BMP3: variants seen among roughly 807,000 people sequenced by gnomAD.
BMP3 encodes the protein bone morphogenetic protein 3.
BMP3 carries 23 observed loss-of-function variants against 38.1 expected under a neutral mutation model. The ratio of observed to expected loss-of-function variants is 0.60; its 90% CI spans 0.43 to 0.86. The LOEUF (loss-of-function observed/expected upper bound fraction) is 0.86, where lower values mean the gene tolerates loss of function less well. Ranked by LOEUF, BMP3 falls within the 40% of genes least tolerant of loss-of-function variation. The pLI is 0.00. For missense variants in BMP3, 628 were observed against 579.6 expected (o/e 1.08, Z -0.86); for synonymous variants, 258 against 225.7 (o/e 1.14, Z -1.28).
In BMP3 at chr4:81,046,453, G is replaced by A; in HGVS notation, c.1032G>A (p.Arg344=). 5 of 1,614,006 alleles carry A rather than the reference G, an allele frequency of 3.1e-6. No individual in the cohort carries two copies. The highest frequency in any genetic ancestry group is 4.2e-6 in the Non-Finnish European group (5 of 1,179,968). ...AGAAACAGAGAAAGGGGCCTCATCG[G>A]AAGAGCCAGACGCTCCAATTTGATG... The part of the protein sequence containing the change: ...NKKKQRKGPH[R]KSQTLQFDEQ... The change falls in exon 2 of 3, where the codon CGG becomes CGA. Residue 344 remains arginine, a synonymous_variant. Coordinates refer to ENST00000282701, the MANE Select transcript of BMP3 (RefSeq NM_001201.5).
intron 1 of BMP3, among the ~76,000 whole-genome samples, chr4:81,037,966 T>C (rs1486660405): frequency 6.6e-6 from 1 of 152,194 alleles, no homozygotes; most frequent in Non-Finnish European, 1.5e-5. Context: ...CTCAGAAATA[T>C]GTGTTTTAAA....
At chr4:81,040,806 G>A (rs577961254) in intron 1 of BMP3, among the ~76,000 whole-genome samples, 26 of 152,060 alleles carry the variant, frequency 1.7e-4, no homozygotes, top group South Asian at 4.2e-4. Context: ...TTCTAGTACC[G>A]AATACTATCC....
rs74904047 is a variant in BMP3 at position 81,054,937 on chromosome 4, T to C, written c.*1401T>C. On this transcript the variant is annotated 3_prime_UTR_variant, in exon 3 of 3. Coordinates refer to ENST00000282701, the MANE Select transcript of BMP3 (RefSeq NM_001201.5). ...GAAATATCTCAGCCATTTTGGAGGC[T>C]GTGCAGTATCAGAAGACGTGGAGTT... 1 of 152,186 alleles carries C rather than the reference T, an allele frequency of 6.6e-6. No individual in the cohort carries two copies. The highest frequency in any genetic ancestry group is 1.5e-5 in the Non-Finnish European group (1 of 68,030). 9.4% of individuals were successfully genotyped at this position (152,186 alleles called of 1,614,324 possible).
At chr4:81,037,694 T>TA (rs1402365466) in intron 1 of BMP3, among the ~76,000 whole-genome samples, 2 of 152,176 alleles carry the variant, frequency 1.3e-5, no homozygotes, top group African/African-American at 4.8e-5. Context: ...TACTTGTCTG[T>TA]AGCACAGATG....
chr4:81,046,198 A>T lies in BMP3; in HGVS notation c.777A>T (p.Leu259Phe). Residue 259 changes from leucine to phenylalanine, a missense_variant, in exon 2 of 3, where the codon TTA (leucine) becomes TTT (phenylalanine). By Grantham distance (22) the Leu-to-Phe change is conservative. Coordinates refer to ENST00000282701, the MANE Select transcript of BMP3 (RefSeq NM_001201.5). ...AGCCAGAAAGTGTGGTATCAAGCTTACAGGGACACCGGAATTTTCCCACTG... is the reference window on the plus strand; with the variant it reads ...AGCCAGAAAGTGTGGTATCAAGCTTTCAGGGACACCGGAATTTTCCCACTG... ...ISEPESVVSS[L>F]QGHRNFPTGT... 1 of 1,614,086 alleles carries T rather than the reference A, an allele frequency of 6.2e-7. No individual in the cohort carries two copies. Among genetic ancestry groups the T allele is most frequent in the Admixed American group, 1.7e-5 (1 of 59,988 alleles).
Position 81,031,096 on chromosome 4 carries a change from G to A in BMP3, c.-189G>A. The A allele has an allele frequency of 4.9e-6, 3 of 615,418 alleles. No individual in the cohort carries two copies. Among genetic ancestry groups the A allele is most frequent in the Non-Finnish European group, 2.7e-6 (1 of 367,174 alleles). 38.1% of individuals were successfully genotyped at this position (615,418 alleles called of 1,614,324 possible). A position where few individuals can be genotyped will look rare whatever the true frequency, so the allele number is the denominator to read the frequency against. ...CTGCTGGGGAAGAGCCCACCTGTCA[G>A]GCTGCGCTGGGTCAGCGCAGCAAGT... On this transcript the variant is annotated 5_prime_UTR_variant, in exon 1 of 3. Coordinates refer to ENST00000282701, the MANE Select transcript of BMP3 (RefSeq NM_001201.5).
chr4:81,031,660 C>G (rs539661509), intron 1 of BMP3, 60 bp downstream of exon 1: 1 of 1,473,820 alleles, frequency 6.8e-7, no homozygotes, highest in African/African-American at 1.4e-5. Context: ...TCCCGGGACC[C>G]CCCACAGCTT....
chr4:81,035,266 A>G (rs552429543), intron 1 of BMP3, among the ~76,000 whole-genome samples: 1 of 152,072 alleles, frequency 6.6e-6, no homozygotes, highest in Admixed American at 6.6e-5. Flanking sequence ...AATTACATAT[A>G]AAAAAATTTA....
At chr4:81,038,089 A>T (rs1320592126) in intron 1 of BMP3, among the ~76,000 whole-genome samples, 1 of 152,192 alleles carries the variant, frequency 6.6e-6, no homozygotes, top group African/African-American at 2.4e-5. Context: ...AGAATTGATT[A>T]TCATGTTATT....
At chr4:81,051,018 G>GA (rs111228449) in intron 2 of BMP3, among the ~76,000 whole-genome samples, 125,972 of 149,116 alleles carry the variant, frequency 0.84, 53,924 homozygotes, top group Non-Finnish European at 0.92. Context: ...TTCATAGTGA[G>GA]AAAAAAAAAA....
At position 81,045,204 on chromosome 4, in the gene BMP3, G is replaced by C. The variant is rs569670431; in HGVS notation, c.317-534G>C. Among the ~76,000 whole-genome samples the C allele has an allele frequency of 2.6e-5, 4 of 152,134 alleles. No individual in the cohort carries two copies. The East Asian group carries it at 7.7e-4, about 29-fold the overall frequency. ...GTGATTTTGATTGTGTTTCCCTGAT[G>C]GCTAATGATGTTGAGCATCTTGTCA... is the stretch of plus-strand genomic sequence containing the variant. On this transcript the variant is annotated intron_variant, in intron 1 of 2. Coordinates refer to ENST00000282701, the MANE Select transcript of BMP3 (RefSeq NM_001201.5).
chr4:81,044,675 C>T (rs1740183004), intron 1 of BMP3, among the ~76,000 whole-genome samples: 1 of 152,174 alleles, frequency 6.6e-6, no homozygotes, highest in African/African-American at 2.4e-5. Flanking sequence ...CTGATTCTGT[C>T]TCTATGGATT....
chr4:81,051,693 A>G (rs975809985), intron 2 of BMP3, among the ~76,000 whole-genome samples: 2 of 152,186 alleles, frequency 1.3e-5, no homozygotes, highest in African/African-American at 4.8e-5. Flanking sequence ...AGTTACACAG[A>G]TATTATTGGT....
At position 81,046,212 on chromosome 4, in the gene BMP3, A is replaced by T; in HGVS notation, c.791A>T (p.Asn264Ile). Residue 264 changes from asparagine (N) to isoleucine (I), a missense_variant, in exon 2 of 3, where the codon AAT becomes ATT. Asn to Ile is a moderately radical substitution (Grantham distance 149). Coordinates refer to ENST00000282701, the MANE Select transcript of BMP3 (RefSeq NM_001201.5). ...SVVSSLQGHR[N>I]FPTGTVPKWD... ...GTATCAAGCTTACAGGGACACCGGA[A>T]TTTTCCCACTGGAACTGTTCCCAAA... 1 of 1,614,052 alleles carries T rather than the reference A, an allele frequency of 6.2e-7. No homozygotes were observed. The highest frequency in any genetic ancestry group is 8.5e-7 in the Non-Finnish European group (1 of 1,180,014).
In BMP3 at chr4:81,032,194, CAAAAAAAAAAA is replaced by C. The variant is rs5859748; in HGVS notation, c.316+610_316+620del. Among the ~76,000 whole-genome samples the C allele has an allele frequency of 1.6e-3, 117 of 74,038 alleles. 2 individuals are homozygous for C. In the East Asian group the frequency reaches 0.026, roughly 17 times the overall value. 48.6% of individuals were successfully genotyped at this position (74,038 alleles called of 152,430 possible). ...ACTTTACTTGATAGTTCCTTAGTGG[CAAAAAAAAAAA>C]AAAAAAAAAAAAAAACAGGTGCTTG... On this transcript the variant is annotated intron_variant, in intron 1 of 2. Transcript: ENST00000282701.
chr4:81,050,528 T>C lies in BMP3; in HGVS notation c.1228-2817T>C, dbSNP rs187662556. On this transcript the variant is annotated intron_variant, in intron 2 of 2. Coordinates refer to ENST00000282701, the MANE Select transcript of BMP3 (RefSeq NM_001201.5). The stretch of plus-strand genomic sequence containing the variant: ...AGAAGTTAGTTTTGCTTTTTTTTTT[T>C]CAAGGAATTTTGCAAAAGCTATAAA... 4.8e-3 allele frequency among the ~76,000 whole-genome samples: 729 copies of C among 152,204 alleles called. 9 individuals carry two copies. The highest frequency in any genetic ancestry group is 6.0e-3 in the Non-Finnish European group (408 of 68,014).
chr4:81,054,395 C>CA lies in BMP3; in HGVS notation c.*859_*860insA, dbSNP rs1261261699. On this transcript the variant is annotated 3_prime_UTR_variant, in exon 3 of 3. Coordinates refer to ENST00000282701, the MANE Select transcript of BMP3 (RefSeq NM_001201.5). ...CAAGTGTAATTCCTCTTTTGTACTT[C>CA]TTTTTCACAAATGCTTTTATTTATT... is the stretch of plus-strand genomic sequence containing the variant. 6.6e-6 allele frequency: 1 copy of CA among 152,290 alleles called. No homozygotes were observed. Among genetic ancestry groups the CA allele is most frequent in the East Asian group, 1.9e-4 (1 of 5,188 alleles). The allele number at this position is 152,290 out of a possible 1,614,324, so 9.4% of individuals were successfully genotyped here.
At position 81,046,575 on chromosome 4, in the gene BMP3, G is replaced by A. The variant is rs1458988885; in HGVS notation, c.1154G>A (p.Ser385Asn). 2 of 1,614,168 alleles carry A rather than the reference G, an allele frequency of 1.2e-6. No individual in the cohort carries two copies. Among genetic ancestry groups the A allele is most frequent in the Non-Finnish European group, 1.7e-6 (2 of 1,180,016 alleles). The part of the protein sequence containing the change: ...LKVDFADIGW[S>N]EWIISPKSFD... ...GTAGACTTTGCAGATATTGGCTGGA[G>A]TGAATGGATTATCTCCCCCAAGTCC... The change falls in exon 2 of 3, where the codon AGT becomes AAT. Residue 385 changes from serine (S) to asparagine (N), a missense_variant. Transcript: ENST00000282701.
intron 2 of BMP3, among the ~76,000 whole-genome samples, chr4:81,050,299 G>T (rs1368431660): frequency 3.3e-5 from 5 of 152,218 alleles, no homozygotes; most frequent in African/African-American, 1.2e-4. Flanking sequence ...AGACACGGCA[G>T]TTTGGATTTT....
Sources: allele counts gnomAD v4.1 joint callset (sites outside exome capture counted in the v4.1 genomes callset), GRCh38; gene constraint gnomAD v4.1.1; transcripts MANE v1.5; gene names NCBI Gene and HGNC (gene_info 2026-07-23, HGNC 2026-07-21).